Variants in SGCD observed in about 807,000 individuals in gnomAD.
SGCD encodes the protein sarcoglycan delta.
A neutral mutation model predicts 36.6 loss-of-function variants in SGCD; 18 were observed. The observed-to-expected ratio is 0.49, with a 90% CI of 0.34 to 0.73. The LOEUF is 0.73. Among genes scored for constraint, SGCD ranks in the 30% least tolerant of loss-of-function variants. SGCD has a pLI of 0.01. For missense variants in SGCD, 387 were observed against 346.7 expected, an observed-to-expected ratio of 1.12 and a Z score of -0.92; for synonymous variants, 133 against 130.6, an observed-to-expected ratio of 1.02 and a Z score of -0.12.
intron 3 of SGCD, among the ~76,000 whole-genome samples, chr5:156,302,008 T>G (rs997855221): frequency 2.0e-5 from 3 of 152,174 alleles, no homozygotes; most frequent in Non-Finnish European, 2.9e-5. Context: ...TTAAACCTGC[T>G]TGATGTTCTA....
chr5:156,448,731 C>CTTTTTTTTT lies in SGCD; in HGVS notation c.193-59850_193-59842dup, dbSNP rs1158844774. On this transcript the variant is annotated intron_variant, in intron 3 of 8. Coordinates refer to ENST00000337851, the MANE Select transcript of SGCD (RefSeq NM_000337.6). Reference sequence around the variant, plus strand: ...GTGGGAGAAGTTTCTTTTTCTTTTTCTTTTTTTTTTTTTTTTTTTTTTTTT... The same window carrying CTTTTTTTTT: ...GTGGGAGAAGTTTCTTTTTCTTTTTCTTTTTTTTTTTTTTTTTTTTTTTTTTTTTTTTTT... Among the ~76,000 whole-genome samples the CTTTTTTTTT allele has an allele frequency of 2.1e-3, 162 of 76,048 alleles. 9 individuals are homozygous for CTTTTTTTTT. Among genetic ancestry groups the CTTTTTTTTT allele is most frequent in the African/African-American group, 3.9e-3 (64 of 16,392 alleles). The allele number at this position is 76,048 out of a possible 152,430, so 49.9% of individuals were successfully genotyped here.
At chr5:156,322,710 T>C (rs1767704324), upstream of SGCD, among the ~76,000 whole-genome samples, 1 of 152,200 alleles carries the variant, frequency 6.6e-6, no homozygotes, top group African/African-American at 2.4e-5. Context: ...GAACAGCTTT[T>C]CTTCAATCTC....
At chr5:156,590,897 T>A (rs1437122844) in intron 5 of SGCD, among the ~76,000 whole-genome samples, 9 of 151,758 alleles carry the variant, frequency 5.9e-5, no homozygotes, top group Admixed American at 6.6e-5. Flanking sequence ...CTCTTCTTCT[T>A]CCTCTCTTCC....
At chr5:156,722,865 C>T (rs1314612561) in intron 7 of SGCD, among the ~76,000 whole-genome samples, 2 of 152,244 alleles carry the variant, frequency 1.3e-5, no homozygotes, top group Non-Finnish European at 2.9e-5. Flanking sequence ...CAAGACAACA[C>T]ACATCCTATC....
intron 1 of SGCD, among the ~76,000 whole-genome samples, chr5:155,889,212 A>G (rs1260644500): frequency 6.6e-6 from 1 of 152,224 alleles, no homozygotes; most frequent in Non-Finnish European, 1.5e-5. Flanking sequence ...AGGAAGAAAC[A>G]AGTAAATGAA....
intron 3 of SGCD, among the ~76,000 whole-genome samples, chr5:156,281,446 T>G (rs1478023160): frequency 6.6e-6 from 1 of 152,122 alleles, no homozygotes; most frequent in East Asian, 1.9e-4. Flanking sequence ...TGTGCCTGTG[T>G]GTGGAAAGCG....
chr5:155,864,240 G>A, the SGCD span, among the ~76,000 whole-genome samples: 47 of 152,180 alleles, frequency 3.1e-4, no homozygotes, highest in Admixed American at 3.3e-4. Context: ...AGGAGGGAGC[G>A]CAGTAGGCGG....
chr5:156,452,438 T>C (rs1754061428), intron 3 of SGCD, among the ~76,000 whole-genome samples: 1 of 152,120 alleles, frequency 6.6e-6, no homozygotes, highest in African/African-American at 2.4e-5. Flanking sequence ...CAACCACACT[T>C]AATAGGCTTT....
At chr5:156,256,614 A>T (rs1428139) in intron 3 of SGCD, among the ~76,000 whole-genome samples, 3 of 152,092 alleles carry the variant, frequency 2.0e-5, no homozygotes, top group Admixed American at 1.3e-4. Context: ...TTTTGATGAG[A>T]TTGCTACAAA....
chr5:156,377,569 G>A (rs1377466845), intron 3 of SGCD, among the ~76,000 whole-genome samples: 1 of 152,180 alleles, frequency 6.6e-6, no homozygotes, highest in Admixed American at 6.5e-5. Flanking sequence ...AGAGCCTAGT[G>A]CACGACAGGC....
chr5:156,682,304 T>C (rs1243122740), intron 7 of SGCD, among the ~76,000 whole-genome samples: 1 of 152,218 alleles, frequency 6.6e-6, no homozygotes, highest in Non-Finnish European at 1.5e-5. Flanking sequence ...CGTTGAGAAA[T>C]AAAATGCTGT....
intron 7 of SGCD, among the ~76,000 whole-genome samples, chr5:156,743,832 G>T (rs924159383): frequency 6.6e-6 from 1 of 152,180 alleles, no homozygotes; most frequent in African/African-American, 2.4e-5. Flanking sequence ...ACCTGTTTCA[G>T]ATAAGAAGGA....
chr5:156,206,766 A>AT (rs1179497292), intron 3 of SGCD, among the ~76,000 whole-genome samples: 2 of 151,770 alleles, frequency 1.3e-5, no homozygotes, highest in African/African-American at 2.4e-5. Flanking sequence ...TCTTTGTCTC[A>AT]TTTTTTTGAG....
chr5:156,694,581 T>A (rs1259278433), intron 7 of SGCD, among the ~76,000 whole-genome samples: 2 of 152,214 alleles, frequency 1.3e-5, no homozygotes, highest in Non-Finnish European at 2.9e-5. Flanking sequence ...AAGTTTTTAT[T>A]CTTCAGCCTT....
rs374031501 is a variant in SGCD at position 155,927,884 on chromosome 5, A to G, written c.-282+57460A>G. Among the ~76,000 whole-genome samples, 12 of 152,280 alleles carry G rather than the reference A, an allele frequency of 7.9e-5. No homozygotes were observed. The East Asian group carries it at 2.3e-3, about 29-fold the overall frequency. On this transcript the variant is annotated intron_variant, in intron 1 of 9. Coordinates refer to the SGCD transcript ENST00000517913. ...AGAGGCTGCTCCTTCTTTCTTTCTCAGTACTTTTAGTTTTCTTAACACTTT... is the reference window on the plus strand; with the variant it reads ...AGAGGCTGCTCCTTCTTTCTTTCTCGGTACTTTTAGTTTTCTTAACACTTT...
intron 4 of SGCD, among the ~76,000 whole-genome samples, chr5:156,536,667 A>G (rs564265243): frequency 1.3e-5 from 2 of 152,266 alleles, no homozygotes; most frequent in East Asian, 3.9e-4. Flanking sequence ...TTCCTCCCAC[A>G]CAAAAATGTG....
chr5:155,945,429 A>C (rs1757419546), intron 1 of SGCD, among the ~76,000 whole-genome samples: 1 of 152,194 alleles, frequency 6.6e-6, no homozygotes, highest in South Asian at 2.1e-4. Context: ...GATCCCTTCC[A>C]CTCATAGGAT....
In SGCD at chr5:156,201,613, TA is replaced by T. The variant is rs1257827423; in HGVS notation, c.-44+77597del. On this transcript the variant is annotated intron_variant, in intron 3 of 9. Coordinates refer to the SGCD transcript ENST00000517913. ...TTGCAAATGAGTCCAGTCTAGGAGG[TA>T]AAGCAATGAGTGTTTCCTAAGGGGA... Among the ~76,000 whole-genome samples, 6 of 152,038 alleles carry T rather than the reference TA, an allele frequency of 3.9e-5. No homozygotes were observed. In the South Asian group the frequency reaches 8.3e-4, roughly 21 times the overall value.
rs138192379 is a variant in SGCD, at chr5:156,032,792, T to C, written c.-281-85086T>C. Among the ~76,000 whole-genome samples the C allele has an allele frequency of 7.9e-5, 11 of 139,370 alleles. No individual in the cohort carries two copies. The Admixed American group carries it at 8.3e-4, about 10-fold the overall frequency. The allele number at this position is 139,370 out of a possible 152,430, so 91.4% of individuals were successfully genotyped here. ...CAGGCAGAAGCTCAAATTTGGGGCG[T>C]GGCACAGTGACTCACATCTGTAATT... On this transcript the variant is annotated intron_variant, in intron 1 of 9. Transcript: ENST00000517913.
Sources: gnomAD v4.1 joint callset for allele counts (sites outside exome capture counted in the v4.1 genomes callset) on GRCh38, gnomAD v4.1.1 for gene constraint, MANE v1.5 for transcripts, NCBI Gene and HGNC (gene_info 2026-07-23, HGNC 2026-07-21) for gene names.